Variants in CEP85L observed in about 807,000 individuals in gnomAD.
CEP85L encodes centrosomal protein of 85 kDa-like.
In CEP85L, 60 loss-of-function variants were observed where a neutral mutation model predicts 100.3. That is an observed-to-expected ratio of 0.60 (90% CI 0.49 to 0.74). The LOEUF (loss-of-function observed/expected upper bound fraction) is 0.74. Among genes scored for constraint, CEP85L ranks in the 30% least tolerant of loss-of-function variants. The pLI is 0.00. For synonymous variants in CEP85L, 319 were observed against 322.7 expected, an observed-to-expected ratio of 0.99 and a Z score of 0.12; for missense variants, 973 against 936.2, an observed-to-expected ratio of 1.04 and a Z score of -0.51.
At chr6:118,708,023 A>G (rs1583278479) in intron 1 of CEP85L, among the ~76,000 whole-genome samples, 1 of 152,212 alleles carries the variant, frequency 6.6e-6, no homozygotes, top group African/African-American at 2.4e-5. Context: ...AATTTAAAAA[A>G]CATATATAGA....
At chr6:118,599,307 G>A (rs1781605525) in intron 2 of CEP85L, among the ~76,000 whole-genome samples, 2 of 152,178 alleles carry the variant, frequency 1.3e-5, no homozygotes, top group South Asian at 2.1e-4. Context: ...TGGCAGGGTG[G>A]TGTCCATGTC....
intron 2 of CEP85L, among the ~76,000 whole-genome samples, chr6:118,571,019 T>G (rs1779855869): frequency 6.6e-6 from 1 of 151,956 alleles, no homozygotes; most frequent in Admixed American, 6.6e-5. Context: ...AGAATTAAAA[T>G]TTTTAAATTA....
intron 2 of CEP85L, among the ~76,000 whole-genome samples, chr6:118,581,392 C>G (rs575170707): frequency 6.6e-6 from 1 of 152,060 alleles, no homozygotes; most frequent in Admixed American, 6.5e-5. Flanking sequence ...ATTAAAGGGG[C>G]CTTCCCCAAT....
chr6:118,679,740 C>G (rs1364699956), intron 1 of CEP85L, among the ~76,000 whole-genome samples: 2 of 152,264 alleles, frequency 1.3e-5, no homozygotes, highest in South Asian at 2.1e-4. Context: ...GGTCACCAAA[C>G]AGAACAAGTG....
chr6:118,600,060 G>C (rs993026352), intron 2 of CEP85L, among the ~76,000 whole-genome samples: 1 of 150,042 alleles, frequency 6.7e-6, no homozygotes, highest in Non-Finnish European at 1.5e-5. Context: ...TGTACATATA[G>C]GAGTCCACAT....
intron 1 of CEP85L, chr6:118,647,085 T>C (rs1042482325): frequency 2.2e-5 from 22 of 984,928 alleles, no homozygotes; most frequent in Non-Finnish European, 2.7e-5. Flanking sequence ...CAGAGTTATG[T>C]TTCATTGTTA....
intron 2 of CEP85L, among the ~76,000 whole-genome samples, chr6:118,620,076 T>C (rs1455402617): frequency 1.3e-5 from 2 of 152,130 alleles, no homozygotes; most frequent in Non-Finnish European, 2.9e-5. Flanking sequence ...CTCAATGCTA[T>C]CCACAATTAC....
intron 10 of CEP85L, among the ~76,000 whole-genome samples, chr6:118,475,659 T>C (rs1773316254): frequency 6.6e-6 from 1 of 152,176 alleles, no homozygotes; most frequent in Non-Finnish European, 1.5e-5. Context: ...CGGTGACTTA[T>C]ATCTTAATAA....
intron 2 of CEP85L, among the ~76,000 whole-genome samples, chr6:118,581,044 G>A (rs1187759487): frequency 6.6e-6 from 1 of 152,074 alleles, no homozygotes. Context: ...CTCTACATGA[G>A]GCACTTTTTT....
At chr6:118,646,929 T>G (rs1775240033) in intron 1 of CEP85L, 1 of 985,162 alleles carries the variant, frequency 1.0e-6, no homozygotes, top group African/African-American at 1.7e-5. Context: ...GGCCTCAGAT[T>G]AATTTACCAG....
At position 118,484,964 on chromosome 6, in the gene CEP85L, G is replaced by A. The variant is rs188770562; in HGVS notation, c.1438-1106C>T. On this transcript the variant is annotated intron_variant, in intron 6 of 12. Transcript: ENST00000368491. ...TCTTTCTAAAAACCACAAAATAAAG[G>A]TGTCTTACTATTGATGTCATTTTAG... Among the ~76,000 whole-genome samples, 3 of 152,248 alleles carry A rather than the reference G, an allele frequency of 2.0e-5. No homozygotes were observed. In the East Asian group the frequency reaches 5.8e-4, roughly 29 times the overall value.
At chr6:118,493,729 G>A (rs1280922390) in intron 5 of CEP85L, among the ~76,000 whole-genome samples, 1 of 152,120 alleles carries the variant, frequency 6.6e-6, no homozygotes, top group Non-Finnish European at 1.5e-5. Context: ...CTGGGCAGAA[G>A]TAAATATAAA....
chr6:118,632,580 A>G lies in CEP85L; in HGVS notation c.105T>C (p.Ala35=). The change falls in exon 2 of 13, where the codon GCT becomes GCC. Residue 35 remains alanine, a synonymous_variant. Transcript: ENST00000368491. ...TTGTGGCCTGCCACAATGATTCATT[A>G]GCAGGTAGCCATGCTGATGAATAAT... ...GPDYSSAWLP[A]NESLWQATTV... 6.2e-7 allele frequency: 1 copy of G among 1,612,410 alleles called. No individual in the cohort carries two copies. The highest frequency in any genetic ancestry group is 8.5e-7 in the Non-Finnish European group (1 of 1,179,420).
chr6:118,686,974 A>G (rs1288575372), intron 1 of CEP85L, among the ~76,000 whole-genome samples: 1 of 152,116 alleles, frequency 6.6e-6, no homozygotes, highest in Non-Finnish European at 1.5e-5. Context: ...CTCAGCTGAC[A>G]TGTTTCACTT....
chr6:118,707,960 G>C (rs972800480), intron 1 of CEP85L, among the ~76,000 whole-genome samples: 11 of 107,488 alleles, frequency 1.0e-4, no homozygotes, highest in African/African-American at 4.0e-4. Flanking sequence ...GGGAGAAAGA[G>C]TTGCTTTTTT....
chr6:118,601,304 C>G (rs1781776087), intron 2 of CEP85L, among the ~76,000 whole-genome samples: 2 of 152,188 alleles, frequency 1.3e-5, no homozygotes, highest in South Asian at 4.1e-4. Flanking sequence ...TACAGAGCCG[C>G]ATTTCCCACC....
intron 5 of CEP85L, chr6:118,501,929 TAG>T (rs1431759964): frequency 1.9e-6 from 2 of 1,041,776 alleles, no homozygotes; most frequent in African/African-American, 1.6e-5. Flanking sequence ...AGCAGTAATT[TAG>T]AGAGACAGTA....
intron 1 of CEP85L, among the ~76,000 whole-genome samples, chr6:118,666,076 A>G (rs957398206): frequency 2.6e-5 from 4 of 152,238 alleles, no homozygotes; most frequent in Non-Finnish European, 5.9e-5. Context: ...GCCAAGTAAC[A>G]ACTTAATATT....
chr6:118,646,443 C>T (rs959680531), intron 1 of CEP85L, among the ~76,000 whole-genome samples: 3 of 151,766 alleles, frequency 2.0e-5, no homozygotes, highest in South Asian at 2.1e-4. Flanking sequence ...CCAAGGCAGG[C>T]GGATCACTTG....
Sources: gnomAD v4.1 joint callset for allele counts (sites outside exome capture counted in the v4.1 genomes callset) on GRCh38, gnomAD v4.1.1 for gene constraint, MANE v1.5 for transcripts, NCBI Gene and HGNC (gene_info 2026-07-23, HGNC 2026-07-21) for gene names.